The following MPP7 variants were observed in gnomAD, a reference collection of about 807,000 sequenced individuals.
MPP7 encodes the protein MAGUK p55 scaffold protein 7, also known as MAGUK p55 subfamily member 7.
Under a neutral mutation model 76.5 loss-of-function variants are expected in MPP7, and 60 were observed. The ratio of observed to expected loss-of-function variants is 0.78; its 90% CI spans 0.64 to 0.97. MPP7 has a LOEUF of 0.97. MPP7 is among the 50% of genes least tolerant of loss of function. The pLI, the probability that MPP7 is intolerant of heterozygous loss-of-function variation, is 0.00. For synonymous variants in MPP7, 237 were observed against 244.5 expected (o/e 0.97, Z 0.29); for missense variants, 641 against 694.0 (o/e 0.92, Z 0.86).
chr10:28,121,046 G>A (rs1034444736), intron 8 of MPP7, among the ~76,000 whole-genome samples: 19 of 152,026 alleles, frequency 1.2e-4, no homozygotes, highest in African/African-American at 4.3e-4. Context: ...GCAGTGGCTC[G>A]TGTCTGTAAT....
intron 5 of MPP7, among the ~76,000 whole-genome samples, chr10:28,141,074 C>A (rs1220405788): frequency 1.3e-5 from 2 of 151,876 alleles, no homozygotes; most frequent in Non-Finnish European, 2.9e-5. Context: ...AAGTTTTAAT[C>A]CCAAGAATTT....
At chr10:28,241,143 A>C (rs1411262721) in intron 1 of MPP7, among the ~76,000 whole-genome samples, 2 of 152,188 alleles carry the variant, frequency 1.3e-5, no homozygotes, top group Admixed American at 6.5e-5. Flanking sequence ...ACATATGCTT[A>C]TATCAATTAG....
intron 12 of MPP7, among the ~76,000 whole-genome samples, chr10:28,086,359 A>C (rs1178737007): frequency 6.6e-6 from 1 of 152,216 alleles, no homozygotes; most frequent in Admixed American, 6.5e-5. Context: ...ACTTGGCCCC[A>C]AAACAGAGTC....
At chr10:28,130,024 C>T (rs1233826901) in intron 6 of MPP7, among the ~76,000 whole-genome samples, 2 of 152,330 alleles carry the variant, frequency 1.3e-5, no homozygotes, top group East Asian at 3.9e-4. Flanking sequence ...CTAATACCCA[C>T]ATAACCTGTG....
At chr10:28,076,325 A>G (rs1029203969) in intron 12 of MPP7, among the ~76,000 whole-genome samples, 2 of 152,162 alleles carry the variant, frequency 1.3e-5, no homozygotes, top group African/African-American at 4.8e-5. Flanking sequence ...CGAAAGACAT[A>G]AGTGCTTATT....
intron 2 of MPP7, among the ~76,000 whole-genome samples, chr10:28,234,935 C>T (rs1839020656): frequency 6.6e-6 from 1 of 152,212 alleles, no homozygotes. Flanking sequence ...CTCAGCCTTC[C>T]AGGTAGCTGG....
intron 11 of MPP7, among the ~76,000 whole-genome samples, chr10:28,101,306 G>T (rs372375939): frequency 3.3e-5 from 5 of 152,070 alleles, no homozygotes; most frequent in Admixed American, 3.3e-4. Flanking sequence ...TACTTAATTT[G>T]CATGACATTC....
At chr10:28,142,919 T>C (rs1333266644) in intron 5 of MPP7, among the ~76,000 whole-genome samples, 1 of 152,104 alleles carries the variant, frequency 6.6e-6, no homozygotes, top group African/African-American at 2.4e-5. Context: ...CCCCAATAAT[T>C]TACTGTCCTA....
intron 3 of MPP7, among the ~76,000 whole-genome samples, chr10:28,181,708 C>T (rs1837065021): frequency 6.6e-6 from 1 of 152,198 alleles, no homozygotes; most frequent in Admixed American, 6.5e-5. Context: ...ACAAAAAAAA[C>T]ACTATACACA....
chr10:28,279,256 A>T (rs1052733284), intron 1 of MPP7, among the ~76,000 whole-genome samples: 1 of 152,034 alleles, frequency 6.6e-6, no homozygotes, highest in Non-Finnish European at 1.5e-5. Context: ...AGTTCTCCCA[A>T]ATAAATCCAT....
At chr10:28,203,557 C>T (rs758131774) in intron 2 of MPP7, among the ~76,000 whole-genome samples, 1 of 146,198 alleles carries the variant, frequency 6.8e-6, no homozygotes, top group Non-Finnish European at 1.5e-5. Context: ...TGGTATTTTA[C>T]ATCTATTCCC....
intron 8 of MPP7, 40 bp downstream of exon 8, chr10:28,123,991 T>G: frequency 7.5e-7 from 1 of 1,338,156 alleles, no homozygotes; most frequent in South Asian, 1.2e-5. Flanking sequence ...GTGATTCGAT[T>G]TTATTTTTAT....
rs114885303 is a variant in MPP7, at chr10:28,074,075, G to A, written c.1124-4223C>T. Among the ~76,000 whole-genome samples the A allele has an allele frequency of 2.1e-3, 313 of 152,106 alleles. 1 individual carries two copies. Among genetic ancestry groups the A allele is most frequent in the African/African-American group, 7.2e-3 (297 of 41,498 alleles). On this transcript the variant is annotated intron_variant, in intron 12 of 16. Coordinates refer to ENST00000683449, the MANE Select transcript of MPP7 (RefSeq NM_001318170.2). ...ACCCACCAGATAGAGGCACCATGAG[G>A]GCAGGAGTATTATATTGTTTACCAT... is the stretch of plus-strand genomic sequence containing the variant.
At chr10:28,253,127 C>T (rs538877515) in intron 1 of MPP7, among the ~76,000 whole-genome samples, 3 of 152,116 alleles carry the variant, frequency 2.0e-5, no homozygotes, top group Admixed American at 6.5e-5. Context: ...AGGCTGGTCT[C>T]GAACTCCTGA....
At chr10:28,074,851 C>T (rs1852413886) in intron 12 of MPP7, among the ~76,000 whole-genome samples, 1 of 152,232 alleles carries the variant, frequency 6.6e-6, no homozygotes, top group Non-Finnish European at 1.5e-5. Context: ...GTCTTCCACT[C>T]TTGCTAATAT....
At chr10:28,109,683 G>A (rs1400973474) in intron 11 of MPP7, among the ~76,000 whole-genome samples, 4 of 151,476 alleles carry the variant, frequency 2.6e-5, no homozygotes, top group Admixed American at 2.6e-4. Flanking sequence ...ATGACTTCGA[G>A]GAAAGCAACA....
rs1045580695 is a variant in MPP7, at chr10:28,148,634, T to A, written c.235-1071A>T. On this transcript the variant is annotated intron_variant, in intron 4 of 16. Transcript: ENST00000683449. ...ACTGCTTTACTTTTTTGAGGTAATA[T>A]TTCTACAGCATTTTTAACTTACAAA... Among the ~76,000 whole-genome samples the A allele has an allele frequency of 5.3e-5, 8 of 152,314 alleles. No individual in the cohort carries two copies. The East Asian group carries it at 7.7e-4, about 15-fold the overall frequency.
At chr10:28,187,587 A>G (rs4568902) in intron 3 of MPP7, among the ~76,000 whole-genome samples, 45,694 of 152,008 alleles carry the variant, frequency 0.3, 8,376 homozygotes, top group African/African-American at 0.49. Flanking sequence ...AACCTCCCCA[A>G]TGGGTTTACT....
intron 12 of MPP7, among the ~76,000 whole-genome samples, chr10:28,084,929 T>C (rs1359676741): frequency 6.6e-6 from 1 of 152,118 alleles, no homozygotes; most frequent in African/African-American, 2.4e-5. Context: ...ACCAAGCCTA[T>C]TGAACTGACC....
Sources: allele counts gnomAD v4.1 joint callset (sites outside exome capture counted in the v4.1 genomes callset), GRCh38; gene constraint gnomAD v4.1.1; transcripts MANE v1.5; gene names NCBI Gene and HGNC (gene_info 2026-07-23, HGNC 2026-07-21).